Variants in TRPC1 observed in about 807,000 individuals in gnomAD.
The protein encoded by TRPC1 is short transient receptor potential channel 1.
TRPC1 carries 42 observed loss-of-function variants against 88.2 expected under a neutral mutation model. The ratio of observed to expected loss-of-function variants is 0.48; its 90% CI spans 0.37 to 0.62. The LOEUF is 0.62. Ranked by LOEUF, TRPC1 falls within the 20% of genes least tolerant of loss-of-function variation. The pLI, the probability that TRPC1 is intolerant of heterozygous loss-of-function variation, is 0.00. For missense variants in TRPC1, 699 were observed against 957.3 expected (o/e 0.73, Z 3.56); for synonymous variants, 288 against 331.8 (o/e 0.87, Z 1.43).
Position 142,753,205 on chromosome 3 carries a change from T to C in TRPC1, c.632+4745T>C, listed in dbSNP as rs1261027962. Among the ~76,000 whole-genome samples the C allele has an allele frequency of 2.6e-5, 4 of 152,168 alleles. No homozygotes were observed. The East Asian group carries it at 7.7e-4, about 29-fold the overall frequency. ...GTTTGAGGTTGGGGGACAAACTTGT[T>C]TGAAGGCTTTTAGGGGAGCTATGAC... On this transcript the variant is annotated intron_variant, in intron 4 of 12. Coordinates refer to ENST00000476941, the MANE Select transcript of TRPC1 (RefSeq NM_001251845.2).
intron 1 of TRPC1, among the ~76,000 whole-genome samples, chr3:142,730,606 GTT>G (rs34841179): frequency 7.0e-6 from 1 of 142,398 alleles, no homozygotes; most frequent in Admixed American, 7.0e-5. Context: ...GTCTGCATGG[GTT>G]TTTTTTTTTT....
chr3:142,742,004 A>G (rs1001763830), intron 2 of TRPC1, among the ~76,000 whole-genome samples: 8 of 152,018 alleles, frequency 5.3e-5, no homozygotes, highest in African/African-American at 1.9e-4. Flanking sequence ...CTTTACTAAA[A>G]ATACAAAAAT....
intron 4 of TRPC1, among the ~76,000 whole-genome samples, chr3:142,756,376 T>C (rs1456173339): frequency 6.6e-6 from 1 of 151,656 alleles, no homozygotes; most frequent in African/African-American, 2.4e-5. Flanking sequence ...TTTTTTTTTT[T>C]TGAGACAGAG....
chr3:142,777,568 G>T (rs1935822008), intron 4 of TRPC1, 64 bp from the exon 5 acceptor site: 2 of 1,103,104 alleles, frequency 1.8e-6, no homozygotes, highest in African/African-American at 1.6e-5. Flanking sequence ...GAAAATTATA[G>T]ATTAAAATAC....
intron 1 of TRPC1, among the ~76,000 whole-genome samples, chr3:142,733,816 C>T (rs1934025621): frequency 6.6e-6 from 1 of 152,098 alleles, no homozygotes; most frequent in Non-Finnish European, 1.5e-5. Flanking sequence ...GGGGAAACAA[C>T]CAAGATACAA....
Position 142,792,906 on chromosome 3 carries a change from T to C in TRPC1, c.1520T>C (p.Val507Ala). Residue 507 changes from valine to alanine, a missense_variant, in exon 9 of 13, where the codon GTT becomes GCT. By Grantham distance (64) the Val-to-Ala change is moderately conservative. Around this residue, in one of 4 missense-constraint regions of TRPC1, gnomAD observed 426 missense variants for 641.3 expected, o/e 0.66. Transcript: ENST00000476941. The surrounding 1 kb of genome is among the most constrained non-coding windows in gnomAD (Gnocchi z 4.0). ...GAAGGGCTTTTTGCATTTGCAAATGTTCTAAGTTATCTTCGTCTCTTTTTT... is the reference window on the plus strand; with the variant it reads ...GAAGGGCTTTTTGCATTTGCAAATGCTCTAAGTTATCTTCGTCTCTTTTTT... ...VAEGLFAFAN[V>A]LSYLRLFFMY... 1 of 1,610,844 alleles carries C rather than the reference T, an allele frequency of 6.2e-7. No individual in the cohort carries two copies. Among genetic ancestry groups the C allele is most frequent in the Non-Finnish European group, 8.5e-7 (1 of 1,178,088 alleles).
At chr3:142,737,375 G>T (rs1438362960) in intron 2 of TRPC1, among the ~76,000 whole-genome samples, 1 of 147,230 alleles carries the variant, frequency 6.8e-6, no homozygotes, top group Non-Finnish European at 1.5e-5. Flanking sequence ...ACAACATGTG[G>T]TACTATCTCC....
intron 6 of TRPC1, among the ~76,000 whole-genome samples, chr3:142,781,920 G>A (rs1042767339): frequency 1.3e-5 from 2 of 152,078 alleles, no homozygotes; most frequent in African/African-American, 4.8e-5. Context: ...AGGACCTTTG[G>A]TGCTAAGGGC....
intron 9 of TRPC1, among the ~76,000 whole-genome samples, chr3:142,798,422 CA>C (rs1936517041): frequency 6.6e-6 from 1 of 152,062 alleles, no homozygotes; most frequent in Non-Finnish European, 1.5e-5. Context: ...ACTGTTTTAG[CA>C]ATAACAAACA....
chr3:142,798,186 A>G (rs1936509123), intron 9 of TRPC1, among the ~76,000 whole-genome samples: 1 of 152,024 alleles, frequency 6.6e-6, no homozygotes, highest in South Asian at 2.1e-4. Context: ...GCATTTGACT[A>G]TATCCCTTGT....
intron 4 of TRPC1, among the ~76,000 whole-genome samples, chr3:142,771,315 A>G (rs1051641646): frequency 1.3e-5 from 2 of 152,078 alleles, no homozygotes; most frequent in African/African-American, 4.8e-5. Context: ...TATATATTGT[A>G]ACTTGTCAAA....
At chr3:142,730,966 A>G (rs1314970613) in intron 1 of TRPC1, among the ~76,000 whole-genome samples, 2 of 152,196 alleles carry the variant, frequency 1.3e-5, no homozygotes, top group Non-Finnish European at 2.9e-5. Flanking sequence ...TTGCCATAAA[A>G]TCAAACGAGA....
At chr3:142,728,631 C>T (rs1933777778) in intron 1 of TRPC1, among the ~76,000 whole-genome samples, 1 of 152,118 alleles carries the variant, frequency 6.6e-6, no homozygotes, top group African/African-American at 2.4e-5. Flanking sequence ...TGATGACTGA[C>T]TTTCTCCATA....
chr3:142,734,282 T>A (rs986763467), intron 1 of TRPC1, among the ~76,000 whole-genome samples: 2 of 151,650 alleles, frequency 1.3e-5, no homozygotes, highest in Non-Finnish European at 2.9e-5. Flanking sequence ...AATAAGGAAA[T>A]GAAAACATAA....
chr3:142,798,355 C>G (rs1936514392), intron 9 of TRPC1, among the ~76,000 whole-genome samples: 2 of 152,128 alleles, frequency 1.3e-5, no homozygotes, highest in African/African-American at 4.8e-5. Flanking sequence ...GGTGCCTGCT[C>G]TTAAAGACTG....
At chr3:142,765,268 A>G (rs1409301284) in intron 4 of TRPC1, among the ~76,000 whole-genome samples, 1 of 152,206 alleles carries the variant, frequency 6.6e-6, no homozygotes, top group South Asian at 2.1e-4. Context: ...TACAGATTCA[A>G]TGCTATTCTC....
intron 4 of TRPC1, among the ~76,000 whole-genome samples, chr3:142,765,598 G>A (rs1935356247): frequency 6.6e-6 from 1 of 152,112 alleles, no homozygotes; most frequent in Non-Finnish European, 1.5e-5. Context: ...AATAGTCTTA[G>A]AATAACTGGC....
At chr3:142,760,048 G>A (rs777942138) in intron 4 of TRPC1, among the ~76,000 whole-genome samples, 6 of 151,878 alleles carry the variant, frequency 4.0e-5, no homozygotes, top group African/African-American at 7.3e-5. Flanking sequence ...GGATGGTCTC[G>A]ATCTCCTGAC....
chr3:142,774,631 T>G (rs1469086568), intron 4 of TRPC1, among the ~76,000 whole-genome samples: 2 of 152,234 alleles, frequency 1.3e-5, no homozygotes, highest in African/African-American at 2.4e-5. Context: ...CTGGCAGTTT[T>G]TCAACAATCA....
Sources: gnomAD v4.1 joint callset for allele counts (sites outside exome capture counted in the v4.1 genomes callset) on GRCh38, gnomAD v4.1.1 for gene constraint, gnomAD v4.1.1 regional missense constraint, Gnocchi (gnomAD v3.1) non-coding constraint, MANE v1.5 for transcripts, NCBI Gene and HGNC (gene_info 2026-07-23, HGNC 2026-07-21) for gene names.